FRMD4B: variants seen among roughly 807,000 people sequenced by gnomAD.
FRMD4B encodes FERM domain containing 4B, also known as FERM domain-containing protein 4B.
FRMD4B carries 74 observed loss-of-function variants against 141.5 expected under a neutral mutation model. The ratio of observed to expected loss-of-function variants is 0.52; its 90% CI spans 0.43 to 0.63. The LOEUF is 0.63. Among genes scored for constraint, FRMD4B ranks in the 30% least tolerant of loss-of-function variants. The pLI is 0.00. For missense variants in FRMD4B, 1,366 were observed against 1,253.4 expected (o/e 1.09, Z -1.36); for synonymous variants, 506 against 467.9 (o/e 1.08, Z -1.05).
chr3:69,313,990 T>C (rs1336027698), intron 1 of FRMD4B, among the ~76,000 whole-genome samples: 2 of 145,072 alleles, frequency 1.4e-5, no homozygotes, highest in African/African-American at 5.1e-5. Context: ...ATACAAAAAA[T>C]TAGCCGGGCG....
chr3:69,330,452 T>C (rs773121101), intron 1 of FRMD4B, among the ~76,000 whole-genome samples: 7 of 149,716 alleles, frequency 4.7e-5, no homozygotes, highest in Non-Finnish European at 8.9e-5. Flanking sequence ...GTTCAAGTGA[T>C]TCTCCTGCCT....
At chr3:69,305,343 A>G (rs559531226) in intron 3 of FRMD4B, among the ~76,000 whole-genome samples, 17 of 152,344 alleles carry the variant, frequency 1.1e-4, no homozygotes, top group African/African-American at 3.8e-4. Flanking sequence ...TTGCAAGAAT[A>G]TTATAAAGAT....
chr3:69,377,045 T>C (rs2106660906), intron 1 of FRMD4B: 1 of 152,300 alleles, frequency 6.6e-6, no homozygotes, highest in East Asian at 1.9e-4. Context: ...CAAAAATGCT[T>C]TTCAAAGAAC....
intron 1 of FRMD4B, among the ~76,000 whole-genome samples, chr3:69,455,203 G>C (rs931895832): frequency 6.6e-6 from 1 of 152,196 alleles, no homozygotes; most frequent in Non-Finnish European, 1.5e-5. Flanking sequence ...TGTAAAATGG[G>C]CCAATCAGCA....
At chr3:69,298,809 C>A (rs1170013854) in intron 4 of FRMD4B, among the ~76,000 whole-genome samples, 1 of 152,138 alleles carries the variant, frequency 6.6e-6, no homozygotes, top group African/African-American at 2.4e-5. Flanking sequence ...CTAATATTCC[C>A]TTTTCCTCCT....
chr3:69,459,211 T>C (rs1222759699), intron 1 of FRMD4B, among the ~76,000 whole-genome samples: 1 of 152,214 alleles, frequency 6.6e-6, no homozygotes, highest in Non-Finnish European at 1.5e-5. Context: ...ACTTCAAACA[T>C]TTCAGTAAAT....
chr3:69,477,001 T>C (rs1162294908), intron 1 of FRMD4B, among the ~76,000 whole-genome samples: 2 of 152,164 alleles, frequency 1.3e-5, no homozygotes, highest in Non-Finnish European at 2.9e-5. Context: ...TTTGGCTCTC[T>C]GTTTGTCTGT....
chr3:69,242,828 A>C (rs923263692), intron 7 of FRMD4B, among the ~76,000 whole-genome samples: 1 of 151,608 alleles, frequency 6.6e-6, no homozygotes, highest in Non-Finnish European at 1.5e-5. Flanking sequence ...CCCCGTCTCT[A>C]CTAAAAAATA....
intron 7 of FRMD4B, among the ~76,000 whole-genome samples, chr3:69,238,461 A>G (rs1009490211): frequency 1.3e-5 from 2 of 152,208 alleles, no homozygotes; most frequent in Non-Finnish European, 2.9e-5. Context: ...ATAGAATGCA[A>G]TGAAGGCACT....
chr3:69,264,642 AT>A (rs1412164645), intron 5 of FRMD4B, among the ~76,000 whole-genome samples: 1 of 152,230 alleles, frequency 6.6e-6, no homozygotes, highest in African/African-American at 2.4e-5. Context: ...TCAAAATATC[AT>A]TTACTCTTCT....
intron 7 of FRMD4B, among the ~76,000 whole-genome samples, chr3:69,248,723 G>A (rs562615887): frequency 1.3e-5 from 2 of 152,346 alleles, no homozygotes; most frequent in South Asian, 4.1e-4. Context: ...GGCCAGTGAG[G>A]CAGTTAGAAC....
intron 1 of FRMD4B, among the ~76,000 whole-genome samples, chr3:69,381,506 GAA>G (rs1704118351): frequency 6.6e-6 from 1 of 152,126 alleles, no homozygotes; most frequent in East Asian, 1.9e-4. Flanking sequence ...CTAGAAGCAA[GAA>G]AAATGACACC....
At chr3:69,472,738 G>A (rs1179147592) in intron 1 of FRMD4B, among the ~76,000 whole-genome samples, 2 of 152,050 alleles carry the variant, frequency 1.3e-5, no homozygotes, top group African/African-American at 4.8e-5. Context: ...CCGCTGCAGA[G>A]AGGGGACCCG....
chr3:69,181,696 G>A lies in FRMD4B; in HGVS notation c.2054C>T (p.Ser685Phe). The A allele has an allele frequency of 1.2e-6, 2 of 1,610,804 alleles. No homozygotes were observed. Among genetic ancestry groups the A allele is most frequent in the Non-Finnish European group, 1.7e-6 (2 of 1,178,000 alleles). ...TCCACTCCGCTGGCGGCAGTGCTGA[G>A]ATGAAGATTCGGGTCTGAAAGAGGA... is the stretch of plus-strand genomic sequence containing the variant. ...SSSHLEPESS[S>F]QHCRQRSGSL... Residue 685 changes from serine (S) to phenylalanine (F), a missense_variant, in exon 21 of 23, where the codon TCT becomes TTT. By Grantham distance (155) the Ser-to-Phe change is radical. Coordinates refer to ENST00000398540, the MANE Select transcript of FRMD4B (RefSeq NM_015123.3).
chr3:69,455,172 A>G (rs953789974), intron 1 of FRMD4B, among the ~76,000 whole-genome samples: 5 of 152,222 alleles, frequency 3.3e-5, no homozygotes, highest in African/African-American at 1.2e-4. Context: ...AGCTCTCTGT[A>G]AAATGGACCA....
chr3:69,368,817 C>G (rs1426321317), intron 1 of FRMD4B, among the ~76,000 whole-genome samples: 1 of 152,168 alleles, frequency 6.6e-6, no homozygotes, highest in Non-Finnish European at 1.5e-5. Context: ...ACCACCATAT[C>G]TGGCTAATTT....
At chr3:69,438,278 A>T (rs1242514770) in intron 1 of FRMD4B, among the ~76,000 whole-genome samples, 2 of 151,034 alleles carry the variant, frequency 1.3e-5, no homozygotes, top group East Asian at 1.9e-4. Flanking sequence ...GTAACTTTTA[A>T]TTTTTTTTGT....
At chr3:69,391,743 A>G (rs2106724426) in intron 2 of FRMD4B, among the ~76,000 whole-genome samples, 1 of 152,300 alleles carries the variant, frequency 6.6e-6, no homozygotes, top group East Asian at 1.9e-4. Context: ...CAGCTATGTG[A>G]GGAACCACTG....
At chr3:69,253,545 T>C (rs1261680524) in intron 5 of FRMD4B, among the ~76,000 whole-genome samples, 2 of 152,174 alleles carry the variant, frequency 1.3e-5, no homozygotes, top group African/African-American at 2.4e-5. Flanking sequence ...TGGAAACTTA[T>C]CTGTGCTACA....
Sources: allele counts gnomAD v4.1 joint callset (sites outside exome capture counted in the v4.1 genomes callset), GRCh38; gene constraint gnomAD v4.1.1; transcripts MANE v1.5; gene names NCBI Gene and HGNC (gene_info 2026-07-23, HGNC 2026-07-21).